DCC: variants seen among roughly 807,000 people sequenced by gnomAD.
DCC encodes netrin receptor DCC.
DCC carries 58 observed loss-of-function variants against 172.5 expected under a neutral mutation model. The observed-to-expected ratio is 0.34, with a 90% confidence interval of 0.27 to 0.42. The LOEUF is 0.42. DCC is among the 10% of genes least tolerant of loss of function. The probability of loss-of-function intolerance (pLI) is 1.00; values close to 1 mark genes in which losing one functional copy is unlikely to be tolerated. For missense variants in DCC, 1,740 were observed against 1,791.0 expected, an observed-to-expected ratio of 0.97 and a Z score of 0.51; for synonymous variants, 709 against 644.5, an observed-to-expected ratio of 1.10 and a Z score of -1.52.
chr18:53,238,608 C>T (rs1367346767), intron 12 of DCC, among the ~76,000 whole-genome samples: 1 of 151,932 alleles, frequency 6.6e-6, no homozygotes, highest in Non-Finnish European at 1.5e-5. Context: ...TTCAGGGGTC[C>T]CTTTACTTAG....
intron 5 of DCC, among the ~76,000 whole-genome samples, chr18:53,042,177 C>G (rs545891329): frequency 9.2e-5 from 14 of 151,870 alleles, no homozygotes; most frequent in Non-Finnish European, 1.9e-4. Flanking sequence ...GAGATATGTT[C>G]CATCAATACC....
intron 5 of DCC, among the ~76,000 whole-genome samples, chr18:52,989,739 TA>T (rs2041353233): frequency 1.3e-5 from 2 of 152,204 alleles, no homozygotes; most frequent in African/African-American, 4.8e-5. Context: ...GTAAAAGTTA[TA>T]ATGACATAAT....
chr18:52,701,763 T>A (rs1159773463), intron 1 of DCC, among the ~76,000 whole-genome samples: 1 of 152,190 alleles, frequency 6.6e-6, no homozygotes, highest in Non-Finnish European at 1.5e-5. Context: ...GCCCAATGCA[T>A]CGTTCTTCTT....
At chr18:53,160,110 C>A (rs1189180767) in intron 8 of DCC, among the ~76,000 whole-genome samples, 1 of 152,066 alleles carries the variant, frequency 6.6e-6, no homozygotes, top group Non-Finnish European at 1.5e-5. Context: ...GTTCACAGGC[C>A]TGCTTATCAT....
chr18:53,205,357 A>G lies in DCC; in HGVS notation c.1715A>G (p.Lys572Arg). Residue 572 changes from lysine (K) to arginine (R), a missense_variant, in exon 10 of 29, where the codon AAA (lysine) becomes AGA (arginine). This residue lies in a region of DCC where 1,732 missense variants were observed against 1,767.4 expected (regional missense o/e 0.98). Coordinates refer to ENST00000442544, the MANE Select transcript of DCC (RefSeq NM_005215.4). ...TTCTGCACTGAGGTGTCCACAGGAA[A>G]AGAACAGGTAGGTGAAGGAATGGAC... ...RLFCTEVSTG[K>R]EQNIEVDGLS... The G allele has an allele frequency of 6.2e-7, 1 of 1,613,914 alleles. No individual in the cohort carries two copies. Among genetic ancestry groups the G allele is most frequent in the Non-Finnish European group, 8.5e-7 (1 of 1,179,870 alleles).
chr18:53,362,456 G>A (rs1440950625), intron 15 of DCC, among the ~76,000 whole-genome samples: 1 of 152,088 alleles, frequency 6.6e-6, no homozygotes, highest in Admixed American at 6.6e-5. Flanking sequence ...TCTGTTGTTG[G>A]TCAAGTTACT....
intron 1 of DCC, among the ~76,000 whole-genome samples, chr18:52,450,202 A>G (rs557599387): frequency 3.7e-4 from 57 of 152,312 alleles, no homozygotes; most frequent in African/African-American, 1.3e-3. Flanking sequence ...TCATTTCATT[A>G]TTTTTATAGT....
intron 1 of DCC, among the ~76,000 whole-genome samples, chr18:52,645,991 A>T (rs577831595): frequency 1.7e-3 from 253 of 152,316 alleles, no homozygotes; most frequent in African/African-American, 5.9e-3. Context: ...ACAAAGGAAA[A>T]AAGGAAAGCA....
chr18:52,804,794 G>GGAT (rs2038057735), intron 2 of DCC, among the ~76,000 whole-genome samples: 1 of 152,154 alleles, frequency 6.6e-6, no homozygotes, highest in Admixed American at 6.5e-5. Flanking sequence ...ATGTTGGCCA[G>GGAT]GATGATGTCG....
chr18:53,377,789 C>T (rs1368157209), intron 15 of DCC, among the ~76,000 whole-genome samples: 5 of 152,146 alleles, frequency 3.3e-5, no homozygotes, highest in African/African-American at 1.2e-4. Context: ...TTATTATTGT[C>T]TTCAAGTTTG....
At chr18:52,438,530 A>G (rs1292472341) in intron 1 of DCC, among the ~76,000 whole-genome samples, 2 of 152,230 alleles carry the variant, frequency 1.3e-5, no homozygotes, top group Non-Finnish European at 1.5e-5. Flanking sequence ...TTTTATCACT[A>G]ATTGTTCCAA....
intron 15 of DCC, among the ~76,000 whole-genome samples, chr18:53,352,810 T>C (rs1020826430): frequency 6.6e-6 from 1 of 152,184 alleles, no homozygotes; most frequent in Non-Finnish European, 1.5e-5. Context: ...TTTGTATATG[T>C]GTATGTGTGT....
At chr18:53,113,292 A>G (rs1229612572) in intron 7 of DCC, among the ~76,000 whole-genome samples, 1 of 151,406 alleles carries the variant, frequency 6.6e-6, no homozygotes, top group East Asian at 1.9e-4. Context: ...AGAACACGTA[A>G]GATTTATTTT....
At chr18:52,452,735 C>T (rs928586847) in intron 1 of DCC, among the ~76,000 whole-genome samples, 1 of 152,226 alleles carries the variant, frequency 6.6e-6, no homozygotes, top group South Asian at 2.1e-4. Context: ...CCCATTTACA[C>T]ACTTGGTTAA....
Position 53,391,793 on chromosome 18 carries a change from C to T in DCC, c.2594C>T (p.Ala865Val). 6.2e-7 allele frequency: 1 copy of T among 1,613,962 alleles called. No homozygotes were observed. The highest frequency in any genetic ancestry group is 8.5e-7 in the Non-Finnish European group (1 of 1,179,840). Residue 865 changes from alanine (A) to valine (V), a missense_variant, in exon 17 of 29, where the codon GCA becomes GTA. By Grantham distance (64) the Ala-to-Val change is moderately conservative (BLOSUM62 0). Around this residue, in one of 2 missense-constraint regions of DCC, gnomAD observed 1,732 missense variants for 1,767.4 expected, o/e 0.98. Transcript: ENST00000442544. The part of the protein sequence containing the change: ...LTHDAVRVSW[A>V]DNSVPKNQKT... ...CATGATGCTGTGAGGGTCAGCTGGG[C>T]AGACAACTCTGTCCCTAAGAACCAA...
chr18:53,506,130 G>A (rs2046171996), intron 27 of DCC, among the ~76,000 whole-genome samples: 2 of 152,086 alleles, frequency 1.3e-5, no homozygotes. Context: ...ACTTTTCCAG[G>A]GTCATGTGTC....
intron 7 of DCC, among the ~76,000 whole-genome samples, chr18:53,084,272 T>C (rs4077771): frequency 0.097 from 14,691 of 152,138 alleles, 1,137 homozygotes; most frequent in East Asian, 0.36. Context: ...TAATAACCCA[T>C]TAATCCATTA....
At chr18:52,852,644 T>TA (rs1444647625) in intron 2 of DCC, among the ~76,000 whole-genome samples, 4,050 of 152,140 alleles carry the variant, frequency 0.027, 157 homozygotes, top group African/African-American at 0.089. Context: ...TAAAATTTGG[T>TA]TAAAATTTAT....
At chr18:52,925,391 G>A (rs372106361) in intron 5 of DCC, 21 bp downstream of exon 5, 2 of 1,609,636 alleles carry the variant, frequency 1.2e-6, no homozygotes, top group East Asian at 2.2e-5. Context: ...GGCTGGAGAT[G>A]AGTTTATATT....
Sources: gnomAD v4.1 joint callset for allele counts (sites outside exome capture counted in the v4.1 genomes callset) on GRCh38, gnomAD v4.1.1 for gene constraint, gnomAD v4.1.1 regional missense constraint, MANE v1.5 for transcripts, NCBI Gene and HGNC (gene_info 2026-07-23, HGNC 2026-07-21) for gene names.